GALNTL6: variants seen among roughly 807,000 people sequenced by gnomAD.
GALNTL6 encodes the protein polypeptide N-acetylgalactosaminyltransferase-like 6.
Under a neutral mutation model 73.7 loss-of-function variants are expected in GALNTL6, and 46 were observed. The observed-to-expected ratio is 0.62, with a 90% CI of 0.49 to 0.80. GALNTL6 has a LOEUF of 0.80. GALNTL6 is among the 30% of genes least tolerant of loss of function. The pLI is 0.00. For synonymous variants in GALNTL6, 259 were observed against 263.7 expected, an observed-to-expected ratio of 0.98 and a Z score of 0.17; for missense variants, 604 against 755.0, an observed-to-expected ratio of 0.80 and a Z score of 2.34.
chr4:172,717,445 C>T (rs1265729830), intron 5 of GALNTL6, among the ~76,000 whole-genome samples: 2 of 152,096 alleles, frequency 1.3e-5, no homozygotes, highest in East Asian at 1.9e-4. Flanking sequence ...TGAACTATAG[C>T]ATATATTGGT....
intron 5 of GALNTL6, among the ~76,000 whole-genome samples, chr4:172,747,443 A>G (rs546492870): frequency 6.6e-6 from 1 of 152,298 alleles, no homozygotes; most frequent in East Asian, 1.9e-4. Flanking sequence ...TTATCAAAAA[A>G]ATACAAATTA....
intron 12 of GALNTL6, among the ~76,000 whole-genome samples, chr4:173,024,237 C>T (rs1753137712): frequency 2.0e-5 from 3 of 152,182 alleles, no homozygotes; most frequent in African/African-American, 7.2e-5. Context: ...GAAAGGAAAC[C>T]ACTAGATTCA....
chr4:172,654,367 G>T (rs1730868174), intron 5 of GALNTL6, among the ~76,000 whole-genome samples: 1 of 152,070 alleles, frequency 6.6e-6, no homozygotes, highest in Non-Finnish European at 1.5e-5. Flanking sequence ...ACTTCCTAGA[G>T]TTCTATTTCT....
Position 173,041,362 on chromosome 4 carries a change from T to C in GALNTL6, c.*1262T>C, listed in dbSNP as rs1753879247. ...TCCGAAAACTAAATGGAACACTTAA[T>C]CCTTAAAGCAATTTTTTACTGTTCA... On this transcript the variant is annotated 3_prime_UTR_variant, in exon 13 of 13. Coordinates refer to ENST00000506823, the MANE Select transcript of GALNTL6 (RefSeq NM_001034845.3). 2 of 152,142 alleles carry C rather than the reference T, an allele frequency of 1.3e-5. No individual in the cohort carries two copies. Among genetic ancestry groups the C allele is most frequent in the South Asian group, 4.1e-4 (2 of 4,834 alleles). The allele number at this position is 152,142 out of a possible 1,614,324, so 9.4% of individuals were successfully genotyped here.
At chr4:172,864,930 A>AG (rs1173603567) in intron 7 of GALNTL6, among the ~76,000 whole-genome samples, 5 of 152,218 alleles carry the variant, frequency 3.3e-5, no homozygotes, top group African/African-American at 9.6e-5. Context: ...GCAAATTATC[A>AG]GGGGAACAAT....
intron 12 of GALNTL6, among the ~76,000 whole-genome samples, chr4:173,034,597 C>G (rs1039521070): frequency 2.6e-5 from 4 of 152,178 alleles, no homozygotes; most frequent in African/African-American, 7.2e-5. Flanking sequence ...GCCATTCCCT[C>G]TGGGTGGGAA....
At chr4:172,988,708 G>A (rs1751405277) in intron 10 of GALNTL6, among the ~76,000 whole-genome samples, 1 of 152,236 alleles carries the variant, frequency 6.6e-6, no homozygotes, top group South Asian at 2.1e-4. Flanking sequence ...CTGCTGCCTT[G>A]TGCAATCTTG....
At chr4:171,907,687 G>C (rs926260345) in intron 2 of GALNTL6, among the ~76,000 whole-genome samples, 8 of 151,362 alleles carry the variant, frequency 5.3e-5, no homozygotes, top group African/African-American at 9.8e-5. Flanking sequence ...ACATCGCCAA[G>C]TCAATCCTAA....
At chr4:172,484,373 C>A (rs1420725198) in intron 5 of GALNTL6, among the ~76,000 whole-genome samples, 3 of 152,106 alleles carry the variant, frequency 2.0e-5, no homozygotes, top group African/African-American at 7.2e-5. Flanking sequence ...AATATAATAG[C>A]ACCTGTTTGG....
rs371347599 is a variant in GALNTL6 at position 171,997,118 on chromosome 4, T to C, written c.138+182400T>C. ...AAGGAGACTTGGAATAGGTCTTGTC[T>C]TCTTCATGTAAGTGTGCTCTTTGGA... On this transcript the variant is annotated intron_variant, in intron 2 of 12. Coordinates refer to ENST00000506823, the MANE Select transcript of GALNTL6 (RefSeq NM_001034845.3). 2.8e-4 allele frequency among the ~76,000 whole-genome samples: 43 copies of C among 152,262 alleles called. 1 individual carries two copies. The South Asian group carries it at 8.7e-3, about 31-fold the overall frequency.
At chr4:172,062,512 C>A (rs571940052) in intron 2 of GALNTL6, among the ~76,000 whole-genome samples, 1 of 152,216 alleles carries the variant, frequency 6.6e-6, no homozygotes, top group Admixed American at 6.5e-5. Context: ...TTTCTCCCTT[C>A]GTAGAAAGTC....
chr4:172,157,394 A>T (rs1734319803), intron 2 of GALNTL6, among the ~76,000 whole-genome samples: 1 of 152,012 alleles, frequency 6.6e-6, no homozygotes, highest in South Asian at 2.1e-4. Flanking sequence ...TTTTCTCCAC[A>T]CTTTTTCTTT....
intron 2 of GALNTL6, among the ~76,000 whole-genome samples, chr4:171,847,940 C>T (rs921043582): frequency 1.3e-5 from 2 of 152,196 alleles, no homozygotes; most frequent in East Asian, 1.9e-4. Context: ...GAATCACAAA[C>T]GTTCTTGATG....
chr4:173,005,392 G>T (rs1265820322), intron 10 of GALNTL6, among the ~76,000 whole-genome samples: 1 of 151,996 alleles, frequency 6.6e-6, no homozygotes, highest in African/African-American at 2.4e-5. Flanking sequence ...GATTGATTCT[G>T]CCATAGACAT....
At chr4:171,942,269 T>TAAATAAATAACTAA (rs1423565851) in intron 2 of GALNTL6, among the ~76,000 whole-genome samples, 1 of 144,148 alleles carries the variant, frequency 6.9e-6, no homozygotes, top group Non-Finnish European at 1.5e-5. Context: ...TAAATAAATA[T>TAAATAAATAACTAA]AATATACAGA....
At chr4:172,160,190 T>C (rs758128241) in intron 2 of GALNTL6, among the ~76,000 whole-genome samples, 9 of 151,866 alleles carry the variant, frequency 5.9e-5, no homozygotes, top group Non-Finnish European at 1.3e-4. Flanking sequence ...GTGTGTGGCC[T>C]TTGGGAGAGG....
Position 172,225,139 on chromosome 4 carries a change from T to C in GALNTL6, c.139-4517T>C, listed in dbSNP as rs573131995. Among the ~76,000 whole-genome samples, 32 of 152,044 alleles carry C rather than the reference T, an allele frequency of 2.1e-4. 1 individual carries two copies. Among genetic ancestry groups the C allele is most frequent in the Non-Finnish European group, 4.0e-4 (27 of 68,026 alleles). ...TACAAGGTCATAGATAATGGATCTG[T>C]ACTATTGTAATCAAACAGAGGACGC... On this transcript the variant is annotated intron_variant, in intron 2 of 12. Coordinates refer to ENST00000506823, the MANE Select transcript of GALNTL6 (RefSeq NM_001034845.3).
At chr4:172,053,202 T>A in intron 2 of GALNTL6, among the ~76,000 whole-genome samples, 1 of 152,208 alleles carries the variant, frequency 6.6e-6, no homozygotes, top group East Asian at 1.9e-4. Flanking sequence ...ATTTTAGTGA[T>A]GAGAATTTTG....
chr4:172,630,903 T>C (rs1739368247), intron 5 of GALNTL6, among the ~76,000 whole-genome samples: 1 of 151,176 alleles, frequency 6.6e-6, no homozygotes, highest in African/African-American at 2.4e-5. Flanking sequence ...TTTGAGTAAG[T>C]ATGTAAAAGA....
Sources: allele counts gnomAD v4.1 joint callset (sites outside exome capture counted in the v4.1 genomes callset), GRCh38; gene constraint gnomAD v4.1.1; transcripts MANE v1.5; gene names NCBI Gene and HGNC (gene_info 2026-07-23, HGNC 2026-07-21).